The following TRPM7 variants were observed in gnomAD, a reference collection of about 807,000 sequenced individuals.
TRPM7 encodes the protein transient receptor potential cation channel subfamily M member 7.
Under a neutral mutation model 229.7 loss-of-function variants are expected in TRPM7, and 134 were observed. The observed-to-expected ratio is 0.58, with a 90% CI of 0.51 to 0.67. The LOEUF is 0.67. TRPM7 is among the 30% of genes least tolerant of loss of function. TRPM7 has a pLI of 0.00. For synonymous variants in TRPM7, 699 were observed against 715.2 expected, an observed-to-expected ratio of 0.98 and a Z score of 0.36; for missense variants, 1,901 against 2,210.0, an observed-to-expected ratio of 0.86 and a Z score of 2.80.
intron 3 of TRPM7, among the ~76,000 whole-genome samples, chr15:50,650,694 CAAAAAAAACA>C (rs1239197407): frequency 2.1e-5 from 3 of 142,032 alleles, no homozygotes; most frequent in East Asian, 2.0e-4. Flanking sequence ...GACTGGGTCT[CAAAAAAAACA>C]AAAAAAAACA....
chr15:50,589,495 G>GT (rs1472285040), intron 27 of TRPM7, 97 bp downstream of exon 27: 7 of 852,042 alleles, frequency 8.2e-6, no homozygotes. Context: ...TGCTAAAACT[G>GT]TATTTTTGCT....
chr15:50,648,056 G>A (rs969974430), intron 4 of TRPM7, among the ~76,000 whole-genome samples: 5 of 152,122 alleles, frequency 3.3e-5, no homozygotes, highest in East Asian at 1.9e-4. Flanking sequence ...GATGATAGGC[G>A]TGAGCCACTG....
At chr15:50,682,469 T>G (rs2062264477) in intron 1 of TRPM7, among the ~76,000 whole-genome samples, 1 of 149,434 alleles carries the variant, frequency 6.7e-6, no homozygotes, top group African/African-American at 2.5e-5. Flanking sequence ...TCCCAGCTAC[T>G]AGAGGCTGAG....
chr15:50,632,042 C>G (rs1186463548), intron 9 of TRPM7, among the ~76,000 whole-genome samples: 1 of 152,146 alleles, frequency 6.6e-6, no homozygotes, highest in Admixed American at 6.6e-5. Flanking sequence ...ATGGCTCATG[C>G]TTGTAATCCC....
At chr15:50,593,062 G>T (rs533904550) in intron 25 of TRPM7, among the ~76,000 whole-genome samples, 1 of 152,070 alleles carries the variant, frequency 6.6e-6, no homozygotes, top group African/African-American at 2.4e-5. Flanking sequence ...AGGCTGAGGC[G>T]GGCAGATCAC....
chr15:50,587,250 T>C (rs2059367089), intron 27 of TRPM7, among the ~76,000 whole-genome samples: 3 of 152,224 alleles, frequency 2.0e-5, no homozygotes, highest in South Asian at 4.2e-4. Context: ...CAAGGTTATC[T>C]ATATGCTCAC....
chr15:50,584,436 G>T (rs563669821), intron 28 of TRPM7, among the ~76,000 whole-genome samples: 43 of 152,254 alleles, frequency 2.8e-4, no homozygotes, highest in African/African-American at 1.0e-3. Context: ...GTGTGTGTGT[G>T]TATGTTCGTT....
chr15:50,662,035 T>C (rs1003638785), intron 2 of TRPM7, among the ~76,000 whole-genome samples: 1 of 152,126 alleles, frequency 6.6e-6, no homozygotes, highest in East Asian at 1.9e-4. Context: ...CTGGCCAACA[T>C]AGTAAAACCC....
intron 8 of TRPM7, among the ~76,000 whole-genome samples, chr15:50,633,432 C>T (rs1259571827): frequency 6.6e-6 from 1 of 152,222 alleles, no homozygotes; most frequent in South Asian, 2.1e-4. Flanking sequence ...TAGTGAAAGT[C>T]TCCTTCCCGC....
chr15:50,677,403 T>TAAC (rs1209217139), intron 1 of TRPM7, among the ~76,000 whole-genome samples: 2 of 151,512 alleles, frequency 1.3e-5, no homozygotes, highest in African/African-American at 2.4e-5. Flanking sequence ...ATTCAGTACA[T>TAAC]AACAACAACA....
chr15:50,658,042 T>C (rs1471646863), intron 2 of TRPM7, among the ~76,000 whole-genome samples: 1 of 151,012 alleles, frequency 6.6e-6, no homozygotes, highest in Non-Finnish European at 1.5e-5. Flanking sequence ...TCTCGCTCTG[T>C]TGCCCAGGCT....
At chr15:50,581,006 T>C in intron 29 of TRPM7, 98 bp from the exon 30 acceptor site, 1 of 1,194,358 alleles carries the variant, frequency 8.4e-7, no homozygotes, top group Non-Finnish European at 1.2e-6. Flanking sequence ...ATTTTAAGAA[T>C]GAAAGGCCAA....
At position 50,678,157 on chromosome 15, in the gene TRPM7, C is replaced by T. The variant is rs996037206; in HGVS notation, c.3+8374G>A. Among the ~76,000 whole-genome samples the T allele has an allele frequency of 2.0e-5, 3 of 148,528 alleles. No homozygotes were observed. The Admixed American group carries it at 2.1e-4, about 10-fold the overall frequency. On this transcript the variant is annotated intron_variant, in intron 1 of 38. Coordinates refer to ENST00000646667, the MANE Select transcript of TRPM7 (RefSeq NM_017672.6). ...TCGGGAGGCTGAGGCAGGAGGATGG[C>T]GTGAACCCAAGAGGCAGAGCTTGCA...
chr15:50,591,019 T>G (rs1596121596), intron 26 of TRPM7, among the ~76,000 whole-genome samples: 1 of 152,180 alleles, frequency 6.6e-6, no homozygotes, highest in African/African-American at 2.4e-5. Flanking sequence ...GCATGAAAGT[T>G]TTCACTAAGG....
chr15:50,609,561 T>A lies in TRPM7; in HGVS notation c.2580+20A>T. The A allele has an allele frequency of 6.3e-7, 1 of 1,593,058 alleles. No homozygotes were observed. The highest frequency in any genetic ancestry group is 8.5e-7 in the Non-Finnish European group (1 of 1,172,986). ...GCCTAACTCTTAAAAACATTATGCT[T>A]GTGTAATTTAAAAACATACCGTGTT... On this transcript the variant is annotated intron_variant, in intron 19 of 38. Coordinates refer to ENST00000646667, the MANE Select transcript of TRPM7 (RefSeq NM_017672.6).
At chr15:50,686,214 G>A (rs2062357039) in intron 1 of TRPM7, among the ~76,000 whole-genome samples, 1 of 152,240 alleles carries the variant, frequency 6.6e-6, no homozygotes, top group South Asian at 2.1e-4. Flanking sequence ...GGCGCGCTGA[G>A]GCCGCTCAGC....
chr15:50,636,379 C>T (rs541874938), intron 7 of TRPM7, among the ~76,000 whole-genome samples: 1 of 152,142 alleles, frequency 6.6e-6, no homozygotes, highest in Admixed American at 6.5e-5. Context: ...TTAGGAGAGA[C>T]AGGGTTTCAC....
chr15:50,644,331 C>A (rs1372581850), intron 4 of TRPM7, among the ~76,000 whole-genome samples: 1 of 152,210 alleles, frequency 6.6e-6, no homozygotes, highest in African/African-American at 2.4e-5. Context: ...GCTATACTCA[C>A]ATTAATTCAT....
chr15:50,658,295 G>A (rs931409738), intron 2 of TRPM7, among the ~76,000 whole-genome samples: 1 of 151,894 alleles, frequency 6.6e-6, no homozygotes, highest in Non-Finnish European at 1.5e-5. Context: ...GTGAGCCACC[G>A]CGCCTGGCAG....
Sources: gnomAD v4.1 joint callset for allele counts (sites outside exome capture counted in the v4.1 genomes callset) on GRCh38, gnomAD v4.1.1 for gene constraint, MANE v1.5 for transcripts, NCBI Gene and HGNC (gene_info 2026-07-23, HGNC 2026-07-21) for gene names.